The following SHB variants were observed in gnomAD, a reference collection of about 807,000 sequenced individuals.
The protein encoded by SHB is SH2 domain containing adaptor protein B.
A neutral mutation model predicts 52.3 loss-of-function variants in SHB; 20 were observed. That is an observed-to-expected ratio of 0.38 (90% CI 0.27 to 0.56). The LOEUF (loss-of-function observed/expected upper bound fraction) is 0.56. Ranked by LOEUF, SHB falls within the 20% of genes least tolerant of loss-of-function variation. The pLI is 0.71. For missense variants in SHB, 825 were observed against 723.3 expected (o/e 1.14, Z -1.61); for synonymous variants, 397 against 316.5 (o/e 1.25, Z -2.70).
In SHB at chr9:37,916,530, C is replaced by T. The variant is rs1165145559; in HGVS notation, c.*3291G>A. Among the ~76,000 whole-genome samples the T allele has an allele frequency of 6.6e-6, 1 of 152,218 alleles. No individual in the cohort carries two copies. The highest frequency in any genetic ancestry group is 1.5e-5 in the Non-Finnish European group (1 of 68,038). ...GAGCCTGCAGCTCCACCCTGTTGAC[C>T]GGACGCCTTGCGGGTAGCTGCTTCA... On this transcript the variant is annotated 3_prime_UTR_variant, in exon 6 of 6. Coordinates refer to ENST00000377707, the MANE Select transcript of SHB (RefSeq NM_003028.3).
intron 2 of SHB, among the ~76,000 whole-genome samples, chr9:38,007,149 C>A (rs919173868): frequency 1.3e-5 from 2 of 152,234 alleles, no homozygotes; most frequent in African/African-American, 4.8e-5. Context: ...AATAGCCACC[C>A]AGTCAATGAA....
chr9:37,940,925 G>C (rs1358706960), intron 5 of SHB, among the ~76,000 whole-genome samples: 2 of 152,172 alleles, frequency 1.3e-5, no homozygotes, highest in East Asian at 1.9e-4. Context: ...CTGTTGAGTG[G>C]TCATCATCTC....
intron 3 of SHB, among the ~76,000 whole-genome samples, chr9:37,972,725 G>C (rs1820606234): frequency 6.6e-6 from 1 of 152,154 alleles, no homozygotes; most frequent in Non-Finnish European, 1.5e-5. Flanking sequence ...ATTTTAGCTA[G>C]AAAAATGGGA....
At chr9:37,925,423 C>A (rs1330248169) in intron 5 of SHB, among the ~76,000 whole-genome samples, 1 of 152,214 alleles carries the variant, frequency 6.6e-6, no homozygotes, top group Admixed American at 6.5e-5. Flanking sequence ...CACAGGCACA[C>A]GCTTTTCAAA....
Position 38,068,104 on chromosome 9 carries a change from G to T in SHB, c.542C>A (p.Pro181His). ...ATPAEVRYIS[P>H]KHRLIKVESA... ...CTCCACTTTGATGAGGCGGTGCTTG[G>T]GGGAGATGTAGCGCACCTCGGCCGG... Residue 181 changes from proline to histidine, a missense_variant, in exon 1 of 6, where the codon CCC (proline) becomes CAC (histidine). Physicochemically the swap from Pro to His is moderately conservative, Grantham distance 77 (BLOSUM62 -2). Coordinates refer to ENST00000377707, the MANE Select transcript of SHB (RefSeq NM_003028.3). The T allele has an allele frequency of 6.7e-7, 1 of 1,486,390 alleles. No homozygotes were observed. Among genetic ancestry groups the T allele is most frequent in the Non-Finnish European group, 8.8e-7 (1 of 1,130,118 alleles). The allele number at this position is 1,486,390 out of a possible 1,614,324, so 92.1% of individuals were successfully genotyped here.
At chr9:38,044,220 C>T (rs143938583) in intron 1 of SHB, among the ~76,000 whole-genome samples, 18 of 152,358 alleles carry the variant, frequency 1.2e-4, no homozygotes, top group African/African-American at 3.8e-4. Flanking sequence ...ATGGGGTGAG[C>T]GCGACACATG....
At chr9:38,038,212 C>T (rs894242589) in intron 1 of SHB, among the ~76,000 whole-genome samples, 4 of 152,080 alleles carry the variant, frequency 2.6e-5, no homozygotes, top group African/African-American at 9.7e-5. Flanking sequence ...ACAGGCTGGG[C>T]GCACAGGCAC....
intron 2 of SHB, among the ~76,000 whole-genome samples, chr9:37,993,561 T>C (rs1024275888): frequency 4.0e-5 from 6 of 151,866 alleles, no homozygotes; most frequent in Non-Finnish European, 7.4e-5. Flanking sequence ...AGTATAATAA[T>C]AATAATAAAA....
rs953038212 is a variant in SHB, at chr9:38,040,323, G to A, written c.718-24192C>T. 1.4e-4 allele frequency among the ~76,000 whole-genome samples: 22 copies of A among 152,306 alleles called. No individual in the cohort carries two copies. In the South Asian group the frequency reaches 1.7e-3, roughly 11 times the overall value. ...AAGGGTAAGACAGAGATGATGGTCC[G>A]CTGAGGGCTGTCGTGAGGAGGAAAC... is the stretch of plus-strand genomic sequence containing the variant. On this transcript the variant is annotated intron_variant, in intron 1 of 5. Coordinates refer to ENST00000377707, the MANE Select transcript of SHB (RefSeq NM_003028.3).
At chr9:37,920,667 G>T (rs964725612) in intron 5 of SHB, among the ~76,000 whole-genome samples, 3 of 152,230 alleles carry the variant, frequency 2.0e-5, no homozygotes, top group African/African-American at 7.2e-5. Flanking sequence ...CCTGTCTCCT[G>T]CAAGGTCCAG....
chr9:37,956,639 T>A (rs1485223560), intron 3 of SHB, among the ~76,000 whole-genome samples: 3 of 152,192 alleles, frequency 2.0e-5, no homozygotes, highest in African/African-American at 4.8e-5. Flanking sequence ...CCATTCCACA[T>A]GCTCTTCTCC....
At chr9:38,021,294 C>A (rs1439084897) in intron 1 of SHB, among the ~76,000 whole-genome samples, 1 of 151,204 alleles carries the variant, frequency 6.6e-6, no homozygotes, top group Non-Finnish European at 1.5e-5. Flanking sequence ...GAGCCGAGAT[C>A]GCGCCATTGC....
At chr9:37,966,338 T>C (rs1820519729) in intron 3 of SHB, among the ~76,000 whole-genome samples, 1 of 152,200 alleles carries the variant, frequency 6.6e-6, no homozygotes, top group Non-Finnish European at 1.5e-5. Context: ...TGGAGGAATA[T>C]TTCTATCAAT....
In SHB at chr9:38,068,453, C is replaced by A; in HGVS notation, c.193G>T (p.Ala65Ser). 1 of 1,532,700 alleles carries A rather than the reference C, an allele frequency of 6.5e-7. No individual in the cohort carries two copies. Among genetic ancestry groups the A allele is most frequent in the Admixed American group, 2.0e-5 (1 of 50,622 alleles). The allele number at this position is 1,532,700 out of a possible 1,614,324, so 94.9% of individuals were successfully genotyped here. A position where few individuals can be genotyped will look rare whatever the true frequency, so the allele number is the denominator to read the frequency against. ...TCGTCGGGCAGCGAGCCCGAAGAGGCTGAGAAGCAGGAGGCGGTGGCCGGA... is the reference window on the plus strand; with the variant it reads ...TCGTCGGGCAGCGAGCCCGAAGAGGATGAGAAGCAGGAGGCGGTGGCCGGA... ...CGPATASCFS[A>S]SSGSLPDDSG... The change falls in exon 1 of 6, where the codon GCC (alanine) becomes TCC (serine). Residue 65 changes from alanine (A) to serine (S), a missense_variant. By Grantham distance (99) the Ala-to-Ser change is moderately conservative. Coordinates refer to ENST00000377707, the MANE Select transcript of SHB (RefSeq NM_003028.3).
chr9:37,990,629 T>C (rs759407149), intron 2 of SHB, among the ~76,000 whole-genome samples: 5 of 152,212 alleles, frequency 3.3e-5, no homozygotes, highest in Non-Finnish European at 5.9e-5. Context: ...GAGGTAAATA[T>C]CCTGTGGCCT....
intron 2 of SHB, among the ~76,000 whole-genome samples, chr9:37,985,881 C>T (rs1272562528): frequency 6.6e-6 from 1 of 152,218 alleles, no homozygotes; most frequent in Non-Finnish European, 1.5e-5. Flanking sequence ...CAGGCACTGT[C>T]CTGTGTCCTG....
chr9:37,948,765 G>C lies in SHB; in HGVS notation c.1227-11C>G, dbSNP rs899834719. On this transcript the variant is annotated splice_polypyrimidine_tract_variant and intron_variant, in intron 4 of 5. Transcript: ENST00000377707. ...GCTCCGTGATACCATCTGTGGAGAG[G>C]GCAGAGAGTGGTCAGAGCCCAGCGC... The C allele has an allele frequency of 6.2e-7, 1 of 1,613,396 alleles. No homozygotes were observed. Among genetic ancestry groups the C allele is most frequent in the African/African-American group, 1.3e-5 (1 of 74,934 alleles).
intron 2 of SHB, among the ~76,000 whole-genome samples, chr9:37,997,599 T>C (rs1364298298): frequency 2.6e-5 from 4 of 152,170 alleles, no homozygotes; most frequent in African/African-American, 9.7e-5. Context: ...GGACGCCCAG[T>C]GTAGAAGCTG....
chr9:37,956,068 G>C lies in SHB; in HGVS notation c.1055-14C>G. On this transcript the variant is annotated splice_polypyrimidine_tract_variant and intron_variant, in intron 3 of 5. Coordinates refer to ENST00000377707, the MANE Select transcript of SHB (RefSeq NM_003028.3). ...CATTAAACTGTGCTGTGGGGAGAGA[G>C]AGAAAGTGCAGGGTTAGCAGAGCTC... The C allele has an allele frequency of 2.6e-6, 4 of 1,553,142 alleles. No homozygotes were observed. The highest frequency in any genetic ancestry group is 3.5e-6 in the Non-Finnish European group (4 of 1,147,774).
Sources: gnomAD v4.1 joint callset for allele counts (sites outside exome capture counted in the v4.1 genomes callset) on GRCh38, gnomAD v4.1.1 for gene constraint, MANE v1.5 for transcripts, NCBI Gene and HGNC (gene_info 2026-07-23, HGNC 2026-07-21) for gene names.